The following MGAT4C variants were observed in gnomAD, a reference collection of about 807,000 sequenced individuals.
MGAT4C encodes MGAT4 family member C.
Under a neutral mutation model 40.1 loss-of-function variants are expected in MGAT4C, and 19 were observed. The observed-to-expected ratio is 0.47, with a 90% confidence interval of 0.33 to 0.70. MGAT4C has a LOEUF of 0.70. Ranked by LOEUF, MGAT4C falls within the 30% of genes least tolerant of loss-of-function variation. The pLI is 0.02. For synonymous variants in MGAT4C, 181 were observed against 187.1 expected (o/e 0.97, Z 0.27); for missense variants, 491 against 563.2 (o/e 0.87, Z 1.30).
chr12:86,319,329 C>A (rs931641506), intron 4 of MGAT4C, among the ~76,000 whole-genome samples: 1 of 152,148 alleles, frequency 6.6e-6, no homozygotes, highest in African/African-American at 2.4e-5. Context: ...TCTCAGACTG[C>A]TTCTTTAGAT....
chr12:86,283,378 T>C (rs1338469611), intron 4 of MGAT4C, among the ~76,000 whole-genome samples: 3 of 151,990 alleles, frequency 2.0e-5, no homozygotes, highest in East Asian at 3.9e-4. Flanking sequence ...GGAAATTATA[T>C]ATTTATGTTA....
upstream of MGAT4C, among the ~76,000 whole-genome samples, chr12:86,258,929 A>T (rs554619737): frequency 3.3e-5 from 5 of 152,122 alleles, no homozygotes; most frequent in African/African-American, 1.2e-4. Flanking sequence ...TCTTTATCAC[A>T]TACATTAAGT....
chr12:86,529,453 C>A (rs1252978207), intron 2 of MGAT4C, among the ~76,000 whole-genome samples: 1 of 152,008 alleles, frequency 6.6e-6, no homozygotes, highest in Non-Finnish European at 1.5e-5. Context: ...ATTTAAACCA[C>A]AAACCCAGAC....
At chr12:86,319,691 T>G (rs1264985088) in intron 4 of MGAT4C, among the ~76,000 whole-genome samples, 1 of 152,174 alleles carries the variant, frequency 6.6e-6, no homozygotes, top group Admixed American at 6.6e-5. Context: ...TATATTTTTT[T>G]AAGTAAGTGA....
chr12:86,489,605 GCTA>G (rs1958092306), intron 2 of MGAT4C, among the ~76,000 whole-genome samples: 1 of 152,208 alleles, frequency 6.6e-6, no homozygotes. Flanking sequence ...TGACCTGGAT[GCTA>G]CTGTGGGACA....
At chr12:86,130,392 G>A (rs1881003312) in intron 1 of MGAT4C, among the ~76,000 whole-genome samples, 1 of 151,944 alleles carries the variant, frequency 6.6e-6, no homozygotes, top group South Asian at 2.1e-4. Context: ...AATTTTAGAA[G>A]GATAAGCAAC....
intron 1 of MGAT4C, among the ~76,000 whole-genome samples, chr12:86,741,612 A>G (rs1178230729): frequency 6.6e-6 from 1 of 151,420 alleles, no homozygotes; most frequent in African/African-American, 2.4e-5. Flanking sequence ...TTTACTTTTA[A>G]CTCAGAATAC....
At chr12:86,375,240 G>T (rs1438194553) in intron 3 of MGAT4C, among the ~76,000 whole-genome samples, 1 of 152,112 alleles carries the variant, frequency 6.6e-6, no homozygotes, top group African/African-American at 2.4e-5. Context: ...CAAAAGAATA[G>T]TTCACTCAAG....
At chr12:86,526,165 T>C (rs1194178971) in intron 2 of MGAT4C, among the ~76,000 whole-genome samples, 1 of 151,366 alleles carries the variant, frequency 6.6e-6, no homozygotes, top group East Asian at 2.0e-4. Context: ...TGGGGGAGGG[T>C]CTGCTGTTCT....
intron 2 of MGAT4C, among the ~76,000 whole-genome samples, chr12:86,688,880 G>A (rs1459179834): frequency 6.6e-6 from 1 of 152,086 alleles, no homozygotes; most frequent in East Asian, 1.9e-4. Flanking sequence ...TCCTGAATTT[G>A]AATGTTGGCC....
Position 86,498,993 on chromosome 12 carries a change from A to G in MGAT4C, c.-228-63728T>C, listed in dbSNP as rs553263202. On this transcript the variant is annotated intron_variant, in intron 2 of 7. Transcript: ENST00000548651. ...GCAGTTGCAGCTGCTCACCATTTCC[A>G]AAAGAGAATCCATTTTGTAAATAAA... Among the ~76,000 whole-genome samples, 12 of 152,120 alleles carry G rather than the reference A, an allele frequency of 7.9e-5. 1 individual carries two copies. The Middle Eastern group carries it at 0.02, about 259-fold the overall frequency.
intron 2 of MGAT4C, among the ~76,000 whole-genome samples, chr12:86,628,681 C>T (rs1312605345): frequency 6.6e-6 from 1 of 152,092 alleles, no homozygotes; most frequent in Non-Finnish European, 1.5e-5. Flanking sequence ...AAATCCTTTA[C>T]AGACAAGCAA....
chr12:86,318,901 C>T (rs17013920), intron 4 of MGAT4C, among the ~76,000 whole-genome samples: 1,666 of 152,188 alleles, frequency 0.011, 24 homozygotes, highest in African/African-American at 0.038. Context: ...CTGACTTTTA[C>T]CTCTATGGTC....
In MGAT4C at chr12:86,700,166, CAGACAGACAGACAGATAGATAGAT is replaced by C. The variant is rs1286412706; in HGVS notation, c.-229+27019_-229+27042del. Among the ~76,000 whole-genome samples the C allele has an allele frequency of 2.0e-3, 193 of 94,432 alleles. 2 individuals are homozygous for C. Among genetic ancestry groups the C allele is most frequent in the Middle Eastern group, 0.016 (3 of 184 alleles). The allele number at this position is 94,432 out of a possible 152,430, so 62.0% of individuals were successfully genotyped here. Reference sequence around the variant, plus strand: ...ACAGACAGACAGACAGACAGACAGACAGACAGACAGACAGATAGATAGATAGATAGATAGATAGATAGATAGATT... The same window carrying C: ...ACAGACAGACAGACAGACAGACAGACAGATAGATAGATAGATAGATAGATT... On this transcript the variant is annotated intron_variant, in intron 2 of 7. Transcript: ENST00000548651.
At chr12:86,783,573 T>C (rs1032817935) in intron 1 of MGAT4C, among the ~76,000 whole-genome samples, 1 of 152,196 alleles carries the variant, frequency 6.6e-6, no homozygotes, top group African/African-American at 2.4e-5. Flanking sequence ...TTTTCTCTTT[T>C]CATTATATGT....
At chr12:86,203,327 T>C (rs1950119314) in intron 1 of MGAT4C, among the ~76,000 whole-genome samples, 1 of 152,180 alleles carries the variant, frequency 6.6e-6, no homozygotes, top group Non-Finnish European at 1.5e-5. Flanking sequence ...AGAACTCTAA[T>C]GGCTCCAGTA....
intron 2 of MGAT4C, among the ~76,000 whole-genome samples, chr12:86,564,213 T>C (rs1166188140): frequency 6.6e-6 from 1 of 152,174 alleles, no homozygotes; most frequent in Non-Finnish European, 1.5e-5. Context: ...GTAACTCCAA[T>C]TGCAGCTGCT....
At chr12:86,700,866 C>T (rs1473884672) in intron 2 of MGAT4C, among the ~76,000 whole-genome samples, 5 of 152,016 alleles carry the variant, frequency 3.3e-5, no homozygotes, top group Non-Finnish European at 7.4e-5. Flanking sequence ...ATTTCTTTTT[C>T]ACAGTAAGAA....
intron 2 of MGAT4C, among the ~76,000 whole-genome samples, chr12:85,995,181 C>T (rs540876901): frequency 5.3e-5 from 8 of 152,206 alleles, no homozygotes; most frequent in Admixed American, 3.3e-4. Context: ...TGTGATTTTT[C>T]CTGCTTGCTG....
Sources: gnomAD v4.1 joint callset for allele counts (sites outside exome capture counted in the v4.1 genomes callset) on GRCh38, gnomAD v4.1.1 for gene constraint, MANE v1.5 for transcripts, NCBI Gene and HGNC (gene_info 2026-07-23, HGNC 2026-07-21) for gene names.